PTPRO: variants seen among roughly 807,000 people sequenced by gnomAD.
PTPRO encodes the protein protein tyrosine phosphatase receptor type O.
In PTPRO, 62 loss-of-function variants were observed where a neutral mutation model predicts 145.2. The observed-to-expected ratio is 0.43, with a 90% CI of 0.35 to 0.53. The LOEUF is 0.53. Among genes scored for constraint, PTPRO ranks in the 20% least tolerant of loss-of-function variants. The pLI, the probability that PTPRO is intolerant of heterozygous loss-of-function variation, is 0.01. For missense variants in PTPRO, 1,345 were observed against 1,482.7 expected (o/e 0.91, Z 1.53); for synonymous variants, 565 against 514.7 (o/e 1.10, Z -1.32).
intron 1 of PTPRO, among the ~76,000 whole-genome samples, chr12:15,331,962 CTTTTT>C (rs200334215): frequency 1.7e-5 from 2 of 118,270 alleles, no homozygotes; most frequent in Admixed American, 9.2e-5. Context: ...CTCTTTCTTT[CTTTTT>C]TTTTTTTTTT....
At chr12:15,361,665 G>A (rs1314330733) in intron 1 of PTPRO, among the ~76,000 whole-genome samples, 2 of 152,096 alleles carry the variant, frequency 1.3e-5, no homozygotes, top group Non-Finnish European at 2.9e-5. Context: ...TTGCGGAAGA[G>A]CAGAATGACT....
intron 1 of PTPRO, among the ~76,000 whole-genome samples, chr12:15,368,014 A>T (rs537810182): frequency 6.6e-6 from 1 of 152,334 alleles, no homozygotes; most frequent in South Asian, 2.1e-4. Flanking sequence ...TAATCAATTC[A>T]TGGATCAATC....
intron 17 of PTPRO, among the ~76,000 whole-genome samples, chr12:15,560,570 T>C (rs1943748088): frequency 6.6e-6 from 1 of 152,080 alleles, no homozygotes; most frequent in Non-Finnish European, 1.5e-5. Flanking sequence ...AAATAATGCT[T>C]TCCATTTTCC....
chr12:15,584,539 A>G (rs1944390543), intron 23 of PTPRO, among the ~76,000 whole-genome samples: 1 of 152,196 alleles, frequency 6.6e-6, no homozygotes, highest in South Asian at 2.1e-4. Context: ...TTCAATGACA[A>G]TCATGTGAAG....
rs182305652 is a variant in PTPRO, at chr12:15,456,753, A to C, written c.76-27221A>C. ...AGGTTATCCAATGTACTGGTATATA[A>C]TTGTTCATAGTAGCCTCATGATTCT... On this transcript the variant is annotated intron_variant, in intron 1 of 26. Transcript: ENST00000281171. Among the ~76,000 whole-genome samples the C allele has an allele frequency of 7.9e-5, 12 of 152,264 alleles. No homozygotes were observed. In the East Asian group the frequency reaches 2.3e-3, roughly 29 times the overall value.
chr12:15,555,193 G>A (rs567248321), intron 15 of PTPRO, among the ~76,000 whole-genome samples: 11 of 152,202 alleles, frequency 7.2e-5, no homozygotes, highest in East Asian at 1.9e-4. Context: ...AGCTGAGATC[G>A]TGCCACTGCA....
At chr12:15,477,502 T>TA (rs142266962) in intron 1 of PTPRO, among the ~76,000 whole-genome samples, 44 of 150,764 alleles carry the variant, frequency 2.9e-4, no homozygotes, top group South Asian at 1.3e-3. Context: ...AAAGTATAAT[T>TA]AAAAAAAAAT....
chr12:15,549,281 A>T (rs1001111618), intron 14 of PTPRO, 55 bp downstream of exon 14: 10 of 1,305,362 alleles, frequency 7.7e-6, no homozygotes, highest in Non-Finnish European at 1.0e-5. Context: ...ATATATATAT[A>T]TATGTATTTG....
At chr12:15,565,551 C>T (rs369312966) in intron 17 of PTPRO, 42 bp from the exon 18 acceptor site, 1 of 1,294,764 alleles carries the variant, frequency 7.7e-7, no homozygotes, top group Non-Finnish European at 1.1e-6. Context: ...TTAATCAATT[C>T]TTCTGCCCAG....
chr12:15,520,788 G>C (rs562019556), intron 10 of PTPRO, among the ~76,000 whole-genome samples: 3 of 152,124 alleles, frequency 2.0e-5, no homozygotes, highest in Non-Finnish European at 2.9e-5. Flanking sequence ...GATTTGAATA[G>C]ACCCTCCGCA....
At chr12:15,366,777 A>G (rs1938374341) in intron 1 of PTPRO, among the ~76,000 whole-genome samples, 1 of 152,190 alleles carries the variant, frequency 6.6e-6, no homozygotes, top group South Asian at 2.1e-4. Flanking sequence ...GCAGTGACCA[A>G]TAAACTGATG....
chr12:15,471,585 G>T (rs548520691), intron 1 of PTPRO, among the ~76,000 whole-genome samples: 1 of 152,310 alleles, frequency 6.6e-6, no homozygotes, highest in South Asian at 2.1e-4. Context: ...GATGTAAGTA[G>T]ATGCTCTTTG....
At chr12:15,518,233 T>C (rs1006168447) in intron 9 of PTPRO, among the ~76,000 whole-genome samples, 7 of 152,044 alleles carry the variant, frequency 4.6e-5, no homozygotes, top group African/African-American at 1.7e-4. Context: ...CCTTGGGGCT[T>C]GCACCCTCTG....
intron 1 of PTPRO, among the ~76,000 whole-genome samples, chr12:15,482,169 A>G (rs200548202): frequency 2.7e-3 from 376 of 140,162 alleles, no homozygotes; most frequent in South Asian, 9.1e-3. Flanking sequence ...GTGTGTGTGT[A>G]TATATATATA....
At chr12:15,500,553 C>T (rs1942199439) in intron 4 of PTPRO, among the ~76,000 whole-genome samples, 1 of 152,048 alleles carries the variant, frequency 6.6e-6, no homozygotes, top group Non-Finnish European at 1.5e-5. Flanking sequence ...TAACACAAGG[C>T]AGAATGAGAT....
intron 7 of PTPRO, among the ~76,000 whole-genome samples, chr12:15,514,463 A>C (rs1047256413): frequency 1.4e-5 from 2 of 141,038 alleles, no homozygotes; most frequent in Admixed American, 1.4e-4. Context: ...AAAAAAAAAA[A>C]AAAAAAAAAA....
chr12:15,336,038 T>C lies in PTPRO; in HGVS notation c.75+13237T>C, dbSNP rs578158006. On this transcript the variant is annotated intron_variant, in intron 1 of 26. Coordinates refer to ENST00000281171, the MANE Select transcript of PTPRO (RefSeq NM_030667.3). Reference sequence around the variant, plus strand: ...TTAAGCCTGAATCAGGTGTGCATCATCATGCACGAGAATTCTGTAATAACA... The same window carrying C: ...TTAAGCCTGAATCAGGTGTGCATCACCATGCACGAGAATTCTGTAATAACA... Among the ~76,000 whole-genome samples, 27 of 152,284 alleles carry C rather than the reference T, an allele frequency of 1.8e-4. 1 individual carries two copies. Among genetic ancestry groups the C allele is most frequent in the African/African-American group, 6.0e-4 (25 of 41,556 alleles).
intron 12 of PTPRO, among the ~76,000 whole-genome samples, chr12:15,543,032 T>C (rs949208996): frequency 2.0e-5 from 3 of 152,226 alleles, no homozygotes; most frequent in African/African-American, 7.2e-5. Context: ...ATAATTATAA[T>C]AACAATAAAT....
chr12:15,388,207 C>A (rs1394563486), intron 1 of PTPRO, among the ~76,000 whole-genome samples: 1 of 151,760 alleles, frequency 6.6e-6, no homozygotes, highest in Non-Finnish European at 1.5e-5. Flanking sequence ...TAATTTCCAT[C>A]GTGTTAGAAT....
Sources: gnomAD v4.1 joint callset for allele counts (sites outside exome capture counted in the v4.1 genomes callset) on GRCh38, gnomAD v4.1.1 for gene constraint, MANE v1.5 for transcripts, NCBI Gene and HGNC (gene_info 2026-07-23, HGNC 2026-07-21) for gene names.